PRELID2: variants seen among roughly 807,000 people sequenced by gnomAD.
PRELID2 encodes PRELI domain containing 2, also known as PRELI domain-containing protein 2.
A neutral mutation model predicts 28.4 loss-of-function variants in PRELID2; 25 were observed. The observed-to-expected ratio is 0.88, with a 90% CI of 0.64 to 1.23. PRELID2 has a LOEUF of 1.23. Among genes scored for constraint, PRELID2 ranks in the 50% most tolerant of loss-of-function variants. The pLI is 0.00. For synonymous variants in PRELID2, 76 were observed against 71.6 expected (o/e 1.06, Z -0.31); for missense variants, 201 against 214.4 (o/e 0.94, Z 0.39).
chr5:145,775,165 G>A (rs1293930113), intron 5 of PRELID2, among the ~76,000 whole-genome samples: 1 of 152,040 alleles, frequency 6.6e-6, no homozygotes, highest in African/African-American at 2.4e-5. Context: ...ACTTGAACCT[G>A]GGAGGTGGAG....
the PRELID2 span, among the ~76,000 whole-genome samples, chr5:145,313,213 C>A: frequency 6.6e-6 from 1 of 152,052 alleles, no homozygotes; most frequent in Non-Finnish European, 1.5e-5. Context: ...GCAGTTATAC[C>A]TTCAAAGGCA....
chr5:145,545,169 C>A (rs1752775322), intron 1 of PRELID2, among the ~76,000 whole-genome samples: 1 of 152,068 alleles, frequency 6.6e-6, no homozygotes, highest in African/African-American at 2.4e-5. Context: ...CTTTAGAACA[C>A]CTTCTCAATC....
intron 1 of PRELID2, among the ~76,000 whole-genome samples, chr5:145,723,354 G>T (rs1756043919): frequency 6.6e-6 from 1 of 152,144 alleles, no homozygotes; most frequent in South Asian, 2.1e-4. Flanking sequence ...ATCCTATTGG[G>T]TGCACAGACC....
At chr5:145,289,009 C>A in the PRELID2 span, among the ~76,000 whole-genome samples, 1 of 152,098 alleles carries the variant, frequency 6.6e-6, no homozygotes, top group African/African-American at 2.4e-5. Context: ...AAGATTTCAC[C>A]CATTACAAAG....
chr5:145,519,212 G>A (rs185758431), intron 1 of PRELID2, among the ~76,000 whole-genome samples: 145 of 152,196 alleles, frequency 9.5e-4, no homozygotes, highest in African/African-American at 3.2e-3. Flanking sequence ...CCCAAACACC[G>A]AGTTAAAGAA....
chr5:145,526,589 G>A (rs1752606906), intron 1 of PRELID2, among the ~76,000 whole-genome samples: 1 of 152,118 alleles, frequency 6.6e-6, no homozygotes, highest in Non-Finnish European at 1.5e-5. Context: ...AAAATTAGAT[G>A]TCTAGATTTT....
At chr5:145,671,699 G>T (rs1461617173) in intron 1 of PRELID2, among the ~76,000 whole-genome samples, 1 of 152,110 alleles carries the variant, frequency 6.6e-6, no homozygotes, top group Non-Finnish European at 1.5e-5. Flanking sequence ...AACCCACATG[G>T]AGTTTCTTAA....
chr5:145,820,681 A>AT (rs1171798431), intron 2 of PRELID2, among the ~76,000 whole-genome samples: 1 of 152,156 alleles, frequency 6.6e-6, no homozygotes, highest in Non-Finnish European at 1.5e-5. Flanking sequence ...AACCTCAATT[A>AT]TGGTCTCCTC....
intron 1 of PRELID2, among the ~76,000 whole-genome samples, chr5:145,503,787 G>C (rs1207749538): frequency 6.6e-6 from 1 of 152,104 alleles, no homozygotes; most frequent in East Asian, 1.9e-4. Context: ...TTCTGTGAGA[G>C]TTGTTTTCTA....
intron 1 of PRELID2, among the ~76,000 whole-genome samples, chr5:145,539,820 G>T (rs895809942): frequency 1.3e-5 from 2 of 151,672 alleles, no homozygotes; most frequent in African/African-American, 2.4e-5. Flanking sequence ...TAATTTGGGA[G>T]AAACTATACT....
chr5:145,453,911 G>A, the PRELID2 span, among the ~76,000 whole-genome samples: 1 of 152,116 alleles, frequency 6.6e-6, no homozygotes, highest in Non-Finnish European at 1.5e-5. Context: ...TGTGAATAGT[G>A]CTGCAATAAA....
chr5:145,380,608 T>C, the PRELID2 span, among the ~76,000 whole-genome samples: 76 of 152,370 alleles, frequency 5.0e-4, no homozygotes, highest in Non-Finnish European at 8.5e-4. Context: ...ATTTTACATA[T>C]TTTTTCTTTT....
At chr5:145,511,320 C>A (rs886383817) in intron 1 of PRELID2, among the ~76,000 whole-genome samples, 1 of 152,194 alleles carries the variant, frequency 6.6e-6, no homozygotes, top group African/African-American at 2.4e-5. Context: ...ATACTTATTA[C>A]GTGTCTAGCA....
chr5:145,457,772 G>C, the PRELID2 span, among the ~76,000 whole-genome samples: 2 of 152,094 alleles, frequency 1.3e-5, no homozygotes, highest in Non-Finnish European at 2.9e-5. Context: ...AAGTCTTCTG[G>C]TTCTGTCATG....
At chr5:145,411,953 C>A in the PRELID2 span, among the ~76,000 whole-genome samples, 1 of 152,162 alleles carries the variant, frequency 6.6e-6, no homozygotes, top group Non-Finnish European at 1.5e-5. Context: ...GTACCTTGGC[C>A]CCTTTTAGCC....
Position 145,507,953 on chromosome 5 carries a change from C to A in PRELID2, n.71-34638G>T, listed in dbSNP as rs552061518. The stretch of plus-strand genomic sequence containing the variant: ...AAGGGTAAATTAAGGGAAAGAGTAA[C>A]AACTCACCCTAATGTTAGTTCTCCT... On this transcript the variant is annotated intron_variant and non_coding_transcript_variant, in intron 1 of 2. Transcript: ENST00000510259. Among the ~76,000 whole-genome samples, 4 of 152,104 alleles carry A rather than the reference C, an allele frequency of 2.6e-5. No individual in the cohort carries two copies. The South Asian group carries it at 8.3e-4, about 32-fold the overall frequency.
chr5:145,279,013 C>T, the PRELID2 span, among the ~76,000 whole-genome samples: 2 of 152,098 alleles, frequency 1.3e-5, no homozygotes, highest in Non-Finnish European at 2.9e-5. Flanking sequence ...TGCAGAGTAA[C>T]AGGAGCCGGC....
chr5:145,436,477 T>G, the PRELID2 span, among the ~76,000 whole-genome samples: 1 of 152,200 alleles, frequency 6.6e-6, no homozygotes, highest in South Asian at 2.1e-4. Flanking sequence ...GGTAGAATAG[T>G]AGTTCTAATT....
chr5:145,426,790 C>T, the PRELID2 span, among the ~76,000 whole-genome samples: 6 of 152,190 alleles, frequency 3.9e-5, no homozygotes, highest in African/African-American at 9.6e-5. Flanking sequence ...GCTGCAAGTC[C>T]ACTGTACCAC....
Sources: gnomAD v4.1 joint callset for allele counts (sites outside exome capture counted in the v4.1 genomes callset) on GRCh38, gnomAD v4.1.1 for gene constraint, MANE v1.5 for transcripts, NCBI Gene and HGNC (gene_info 2026-07-23, HGNC 2026-07-21) for gene names.